Variants in CSMD1 observed in about 807,000 individuals in gnomAD.
CSMD1 encodes the protein CUB and sushi domain-containing protein 1.
A neutral mutation model predicts 417.5 loss-of-function variants in CSMD1; 213 were observed. That is an observed-to-expected ratio of 0.51 (90% CI 0.46 to 0.57). The LOEUF is 0.57. CSMD1 is among the 20% of genes least tolerant of loss of function. The probability of loss-of-function intolerance (pLI) is 0.00; values close to 1 mark genes in which losing one functional copy is unlikely to be tolerated. For synonymous variants in CSMD1, 2,862 were observed against 1,736.8 expected (o/e 1.65, Z -16.11); for missense variants, 6,923 against 4,529.7 (o/e 1.53, Z -15.17).
intron 1 of CSMD1, among the ~76,000 whole-genome samples, chr8:4,985,946 G>C (rs921391719): frequency 6.6e-6 from 1 of 152,292 alleles, no homozygotes; most frequent in East Asian, 1.9e-4. Context: ...TGAATTGTTA[G>C]TTTCTTGTAA....
At position 3,487,029 on chromosome 8, in the gene CSMD1, G is replaced by A. The variant is rs112496827; in HGVS notation, c.1448+6594C>T. Among the ~76,000 whole-genome samples the A allele has an allele frequency of 1.4e-3, 218 of 152,194 alleles. 1 individual carries two copies. The highest frequency in any genetic ancestry group is 1.8e-3 in the Non-Finnish European group (121 of 68,002). On this transcript the variant is annotated intron_variant, in intron 11 of 69. Coordinates refer to ENST00000635120, the MANE Select transcript of CSMD1 (RefSeq NM_033225.6). ...ATCCTGAACCTCTCACACACAGAAG[G>A]TGACACAAAAGCACTTACCTGGCAT...
intron 7 of CSMD1, among the ~76,000 whole-genome samples, chr8:3,637,510 A>ATG (rs1797109016): frequency 6.6e-6 from 1 of 152,204 alleles, no homozygotes; most frequent in African/African-American, 2.4e-5. Flanking sequence ...AATAAAATAT[A>ATG]CAAAACTACC....
intron 3 of CSMD1, among the ~76,000 whole-genome samples, chr8:4,321,475 G>A (rs1189474326): frequency 6.6e-6 from 1 of 152,102 alleles, no homozygotes; most frequent in African/African-American, 2.4e-5. Flanking sequence ...TAATTCCTCA[G>A]TGATGCAAGT....
intron 1 of CSMD1, among the ~76,000 whole-genome samples, chr8:4,945,772 A>G (rs1204205906): frequency 6.6e-6 from 1 of 152,106 alleles, no homozygotes; most frequent in East Asian, 1.9e-4. Context: ...GATGATGAAT[A>G]CTGGAGAATG....
intron 5 of CSMD1, among the ~76,000 whole-genome samples, chr8:3,948,863 C>T (rs149170800): frequency 6.6e-6 from 1 of 151,932 alleles, no homozygotes; most frequent in Non-Finnish European, 1.5e-5. Flanking sequence ...TCAATGTTCT[C>T]ATTATTCAGA....
chr8:4,186,453 G>C (rs1048094185), intron 3 of CSMD1, among the ~76,000 whole-genome samples: 1 of 152,056 alleles, frequency 6.6e-6, no homozygotes, highest in African/African-American at 2.4e-5. Context: ...TTTCCACCTT[G>C]TAAAATAAGG....
At chr8:4,285,520 T>C (rs920116895) in intron 3 of CSMD1, among the ~76,000 whole-genome samples, 4 of 152,190 alleles carry the variant, frequency 2.6e-5, no homozygotes, top group African/African-American at 9.7e-5. Context: ...ACAGATCTCT[T>C]GTTTTCGGAT....
intron 4 of CSMD1, among the ~76,000 whole-genome samples, chr8:4,025,756 T>C (rs1164436566): frequency 6.6e-6 from 1 of 152,180 alleles, no homozygotes; most frequent in African/African-American, 2.4e-5. Flanking sequence ...GTCAATGTGA[T>C]GTTTGTTCCC....
intron 3 of CSMD1, among the ~76,000 whole-genome samples, chr8:4,380,385 C>T (rs1326615082): frequency 6.6e-6 from 1 of 152,170 alleles, no homozygotes; most frequent in African/African-American, 2.4e-5. Context: ...TCTATAGCTC[C>T]AGTCAACACA....
intron 20 of CSMD1, among the ~76,000 whole-genome samples, chr8:3,365,957 C>A (rs1809537358): frequency 1.3e-5 from 2 of 152,174 alleles, no homozygotes; most frequent in Admixed American, 1.3e-4. Context: ...CCAAGATCTT[C>A]AGTTTTGGTT....
At chr8:3,313,717 C>T (rs1386952314) in intron 23 of CSMD1, among the ~76,000 whole-genome samples, 1 of 152,160 alleles carries the variant, frequency 6.6e-6, no homozygotes, top group Non-Finnish European at 1.5e-5. Flanking sequence ...TGTGGCCATT[C>T]CTCAGGGATC....
intron 7 of CSMD1, among the ~76,000 whole-genome samples, chr8:3,647,996 C>A (rs1185055723): frequency 6.6e-6 from 1 of 152,212 alleles, no homozygotes; most frequent in Non-Finnish European, 1.5e-5. Flanking sequence ...TTCGAGGAGG[C>A]AGAACAGATT....
chr8:4,091,244 G>A lies in CSMD1; in HGVS notation c.416-59145C>T, dbSNP rs115693323. ...AAAAGCAGTCTTAAAGGTGAATAAT[G>A]AGGATGCAAATTAGAAAAAAATAAT... On this transcript the variant is annotated intron_variant, in intron 3 of 69. Coordinates refer to ENST00000635120, the MANE Select transcript of CSMD1 (RefSeq NM_033225.6). Among the ~76,000 whole-genome samples the A allele has an allele frequency of 1.7e-3, 261 of 152,118 alleles. 2 individuals are homozygous for A. The highest frequency in any genetic ancestry group is 6.1e-3 in the African/African-American group (254 of 41,510).
chr8:3,444,324 A>G (rs527593172), intron 12 of CSMD1, among the ~76,000 whole-genome samples: 1 of 152,336 alleles, frequency 6.6e-6, no homozygotes, highest in Non-Finnish European at 1.5e-5. Flanking sequence ...GGAGTCAAGA[A>G]CACACTAAAA....
chr8:3,039,946 C>A (rs187341632), intron 50 of CSMD1, among the ~76,000 whole-genome samples: 118 of 152,280 alleles, frequency 7.7e-4, no homozygotes, highest in Non-Finnish European at 1.5e-3. Context: ...ATAGTCATAG[C>A]ACGGAATTCT....
At chr8:2,940,973 G>A (rs1801831131) in intron 69 of CSMD1, among the ~76,000 whole-genome samples, 1 of 152,190 alleles carries the variant, frequency 6.6e-6, no homozygotes, top group Non-Finnish European at 1.5e-5. Context: ...TTTAAGAAGA[G>A]AAGCTCATCT....
intron 25 of CSMD1, among the ~76,000 whole-genome samples, chr8:3,293,777 C>G: frequency 6.6e-6 from 1 of 152,198 alleles, no homozygotes; most frequent in South Asian, 2.1e-4. Context: ...GTTCAAACTT[C>G]CTCCTGTAGC....
At chr8:4,606,714 C>A (rs1271261062) in intron 2 of CSMD1, among the ~76,000 whole-genome samples, 2 of 152,152 alleles carry the variant, frequency 1.3e-5, no homozygotes, top group African/African-American at 4.8e-5. Flanking sequence ...ATCTATCCTC[C>A]AGTTTGATAA....
At chr8:3,982,502 G>A (rs950674840) in intron 5 of CSMD1, among the ~76,000 whole-genome samples, 8 of 151,984 alleles carry the variant, frequency 5.3e-5, no homozygotes, top group Middle Eastern at 3.4e-3. Context: ...GAAAAATAAC[G>A]CATCATAAAT....
Sources: gnomAD v4.1 joint callset for allele counts (sites outside exome capture counted in the v4.1 genomes callset) on GRCh38, gnomAD v4.1.1 for gene constraint, MANE v1.5 for transcripts, NCBI Gene and HGNC (gene_info 2026-07-23, HGNC 2026-07-21) for gene names.